Variants in TMEM184B observed in about 807,000 individuals in gnomAD.
TMEM184B encodes the protein transmembrane protein 184B, also known as putative MAPK-activating protein FM08.
In TMEM184B, 17 loss-of-function variants were observed where a neutral mutation model predicts 41.8. The observed-to-expected ratio is 0.41, with a 90% CI of 0.28 to 0.61. TMEM184B has a LOEUF of 0.61. Among genes scored for constraint, TMEM184B ranks in the 20% least tolerant of loss-of-function variants. TMEM184B has a pLI of 0.34. For synonymous variants in TMEM184B, 240 were observed against 229.5 expected (o/e 1.05, Z -0.41); for missense variants, 393 against 557.8 (o/e 0.70, Z 2.98).
rs1002190477 is a variant in TMEM184B at position 38,220,950 on chromosome 22, C to T, written c.*519G>A. The T allele has an allele frequency of 4.7e-5, 46 of 988,462 alleles. No homozygotes were observed. Among genetic ancestry groups the T allele is most frequent in the East Asian group, 2.3e-4 (2 of 8,866 alleles). The allele number at this position is 988,462 out of a possible 1,614,324, so 61.2% of individuals were successfully genotyped here. On this transcript the variant is annotated 3_prime_UTR_variant, in exon 9 of 9. Coordinates refer to ENST00000361906, the MANE Select transcript of TMEM184B (RefSeq NM_012264.5). ...GGGTCAGGAGGGGAGGACCACAGAGCGCCCACATCCCCACTCCTGCCCGGG... is the reference window on the plus strand; with the variant it reads ...GGGTCAGGAGGGGAGGACCACAGAGTGCCCACATCCCCACTCCTGCCCGGG...
intron 1 of TMEM184B, among the ~76,000 whole-genome samples, chr22:38,250,893 C>G (rs898665284): frequency 6.6e-6 from 1 of 152,220 alleles, no homozygotes; most frequent in African/African-American, 2.4e-5. Context: ...GGCCCCTTCA[C>G]GTTCTTCATA....
intron 3 of TMEM184B, among the ~76,000 whole-genome samples, chr22:38,241,059 G>A (rs570466842): frequency 6.6e-6 from 1 of 152,206 alleles, no homozygotes; most frequent in Non-Finnish European, 1.5e-5. Flanking sequence ...CCACGGAACA[G>A]GTGACTCAGC....
intron 3 of TMEM184B, among the ~76,000 whole-genome samples, chr22:38,232,705 G>A (rs2091666508): frequency 6.6e-6 from 1 of 152,144 alleles, no homozygotes; most frequent in East Asian, 1.9e-4. Context: ...GCTCCCTGGT[G>A]CCGCCCAGCT....
chr22:38,254,621 C>T (rs1337325398), intron 1 of TMEM184B, among the ~76,000 whole-genome samples: 1 of 152,008 alleles, frequency 6.6e-6, no homozygotes, highest in Non-Finnish European at 1.5e-5. Flanking sequence ...AACAGGCAAA[C>T]ACAACAAAAG....
intron 8 of TMEM184B, 28 bp downstream of exon 8, chr22:38,224,757 G>C (rs377600064): frequency 1.3e-6 from 2 of 1,543,506 alleles, no homozygotes; most frequent in Non-Finnish European, 1.8e-6. Flanking sequence ...TTCTCCCAGC[G>C]GGGGTCGCCT....
At chr22:38,252,192 T>C (rs1174540923) in intron 1 of TMEM184B, among the ~76,000 whole-genome samples, 4 of 152,128 alleles carry the variant, frequency 2.6e-5, no homozygotes, top group Non-Finnish European at 5.9e-5. Context: ...CCCAAGTAGC[T>C]GGGACTACAG....
At chr22:38,269,997 A>T (rs950561058) in intron 1 of TMEM184B, among the ~76,000 whole-genome samples, 1 of 152,202 alleles carries the variant, frequency 6.6e-6, no homozygotes, top group Non-Finnish European at 1.5e-5. Flanking sequence ...AGCATGTCAC[A>T]TCCTTCCAGA....
At chr22:38,221,850 A>G in intron 8 of TMEM184B, 140 bp from the exon 9 acceptor site, 1 of 1,244,772 alleles carries the variant, frequency 8.0e-7, no homozygotes, top group Non-Finnish European at 1.1e-6. Flanking sequence ...TGGGACAGAG[A>G]ATGGGGTCCA....
At chr22:38,246,870 C>T (rs2092042793) in intron 2 of TMEM184B, 1 of 1,302,826 alleles carries the variant, frequency 7.7e-7, no homozygotes, top group African/African-American at 1.5e-5. Context: ...CACACTTGGC[C>T]CAGCCGAGCC....
chr22:38,265,416 T>A (rs778343847), intron 1 of TMEM184B, among the ~76,000 whole-genome samples: 1 of 152,106 alleles, frequency 6.6e-6, no homozygotes, highest in Non-Finnish European at 1.5e-5. Flanking sequence ...GCCTTCCCAG[T>A]GTGGCTGCAA....
chr22:38,264,417 G>T (rs2092415613), intron 1 of TMEM184B, among the ~76,000 whole-genome samples: 1 of 152,156 alleles, frequency 6.6e-6, no homozygotes, highest in Non-Finnish European at 1.5e-5. Context: ...GGAGGGGGTG[G>T]GGGTGCAGAG....
chr22:38,218,536 ATGG>A (rs2091177679), downstream of TMEM184B, among the ~76,000 whole-genome samples: 7 of 151,886 alleles, frequency 4.6e-5, no homozygotes, highest in Non-Finnish European at 7.4e-5. Context: ...CTGGCTGGGT[ATGG>A]GGCCCGCGGG....
chr22:38,224,666 T>G, intron 8 of TMEM184B, 119 bp downstream of exon 8: 2 of 998,178 alleles, frequency 2.0e-6, no homozygotes, highest in East Asian at 2.9e-5. Context: ...GCATATAGAG[T>G]GGGGATCCCA....
chr22:38,226,833 G>C lies in TMEM184B; in HGVS notation c.563C>G (p.Ala188Gly). Residue 188 changes from alanine to glycine, a missense_variant, in exon 6 of 9, where the codon GCG (alanine) becomes GGG (glycine). Physicochemically the swap from Ala to Gly is moderately conservative, Grantham distance 60. This residue lies in a region of TMEM184B where 271 missense variants were observed against 434.1 expected (regional missense o/e 0.62). Transcript: ENST00000361906. This position sits in a 1 kb window ranked among gnomAD's most constrained non-coding sequence, Gnocchi z 4.6. ...LQFCVVKPLM[A>G]VSTVVLQAFG... is the part of the protein sequence containing the mutation. The stretch of plus-strand genomic sequence containing the variant: ...GGCCTGGAGGACCACAGTGCTGACC[G>C]CCATGAGTGGCTTCACCACACAGAA... The C allele has an allele frequency of 6.2e-7, 1 of 1,604,254 alleles. No homozygotes were observed. The highest frequency in any genetic ancestry group is 8.5e-7 in the Non-Finnish European group (1 of 1,175,528).
intron 3 of TMEM184B, among the ~76,000 whole-genome samples, chr22:38,242,312 CAA>C (rs749920784): frequency 2.0e-4 from 22 of 109,354 alleles, no homozygotes; most frequent in Admixed American, 1.8e-4. Flanking sequence ...TACTAAAATA[CAA>C]AAAAAAAAAA....
At chr22:38,266,638 T>C (rs1029031920) in intron 1 of TMEM184B, among the ~76,000 whole-genome samples, 2 of 152,266 alleles carry the variant, frequency 1.3e-5, no homozygotes, top group Non-Finnish European at 2.9e-5. Context: ...GGGTAAATGT[T>C]TATAACCCGG....
intron 1 of TMEM184B, among the ~76,000 whole-genome samples, chr22:38,261,770 A>G (rs961000091): frequency 6.6e-6 from 1 of 152,202 alleles, no homozygotes; most frequent in African/African-American, 2.4e-5. Context: ...CCTGCACCCC[A>G]ACAATGCTAC....
downstream of TMEM184B, chr22:38,219,210 C>T (rs2091193459): frequency 1.2e-5 from 12 of 972,004 alleles, no homozygotes; most frequent in Non-Finnish European, 1.5e-5. Context: ...TCCTAAGCCG[C>T]CTGTACCCAC....
chr22:38,246,900 A>C, intron 2 of TMEM184B: 1 of 1,298,912 alleles, frequency 7.7e-7, no homozygotes, highest in Non-Finnish European at 1.0e-6. Context: ...GGAGGAAAAG[A>C]ACAAAATATT....
Sources: allele counts gnomAD v4.1 joint callset (sites outside exome capture counted in the v4.1 genomes callset), GRCh38; gene constraint gnomAD v4.1.1; regional missense constraint gnomAD v4.1.1; non-coding constraint Gnocchi (gnomAD v3.1); transcripts MANE v1.5; gene names NCBI Gene and HGNC (gene_info 2026-07-23, HGNC 2026-07-21).